TRIM2: variants seen among roughly 807,000 people sequenced by gnomAD.
TRIM2 encodes tripartite motif containing 2, also known as tripartite motif-containing protein 2.
A neutral mutation model predicts 75.2 loss-of-function variants in TRIM2; 20 were observed. That is an observed-to-expected ratio of 0.27 (90% confidence interval 0.19 to 0.39). TRIM2 has a LOEUF of 0.39. TRIM2 is among the 10% of genes least tolerant of loss of function. The pLI is 1.00. For missense variants in TRIM2, 660 were observed against 990.8 expected, an observed-to-expected ratio of 0.67 and a Z score of 4.48; for synonymous variants, 373 against 388.3, an observed-to-expected ratio of 0.96 and a Z score of 0.46.
In TRIM2 at chr4:153,335,131, C is replaced by G; in HGVS notation, c.*165C>G. ...AACAATTTCCTTAAAAATGACTTAT[C>G]CAATTTCTGTATTTCACCTTTAGGG... On this transcript the variant is annotated 3_prime_UTR_variant, in exon 12 of 12. Coordinates refer to ENST00000338700, the MANE Select transcript of TRIM2 (RefSeq NM_015271.5). 3 of 1,289,420 alleles carry G rather than the reference C, an allele frequency of 2.3e-6. No individual in the cohort carries two copies. The highest frequency in any genetic ancestry group is 3.0e-6 in the Non-Finnish European group (3 of 1,015,410). 79.9% of individuals were successfully genotyped at this position (1,289,420 alleles called of 1,614,324 possible).
intron 6 of TRIM2, among the ~76,000 whole-genome samples, chr4:153,313,236 C>T (rs183496326): frequency 1.1e-4 from 17 of 152,208 alleles, no homozygotes; most frequent in African/African-American, 2.9e-4. Context: ...CTATGTGGGT[C>T]GTGTATTGAA....
chr4:153,261,208 G>A (rs1753484272), intron 1 of TRIM2, among the ~76,000 whole-genome samples: 1 of 152,200 alleles, frequency 6.6e-6, no homozygotes, highest in South Asian at 2.1e-4. Context: ...GATTGCTTGA[G>A]CCCAGGAGTT....
At chr4:153,266,343 G>GTT (rs1560913616) in intron 1 of TRIM2, among the ~76,000 whole-genome samples, 5 of 106,004 alleles carry the variant, frequency 4.7e-5, no homozygotes, top group African/African-American at 2.1e-4. Context: ...CTAATTTTTG[G>GTT]GTTTTTTTTT....
chr4:153,172,655 T>G (rs912817502), intron 1 of TRIM2, among the ~76,000 whole-genome samples: 1 of 152,134 alleles, frequency 6.6e-6, no homozygotes, highest in African/African-American at 2.4e-5. Context: ...GGAGATACAG[T>G]GGTATCCCAG....
chr4:153,328,765 C>A, intron 11 of TRIM2, 95 bp downstream of exon 11: 1 of 1,395,766 alleles, frequency 7.2e-7, no homozygotes, highest in Non-Finnish European at 9.6e-7. Flanking sequence ...TTTCTCTTTT[C>A]CATTGGTTAG....
intron 3 of TRIM2, among the ~76,000 whole-genome samples, chr4:153,291,757 A>ATCATCATCT (rs1761874776): frequency 6.6e-6 from 1 of 152,158 alleles, no homozygotes; most frequent in Admixed American, 6.5e-5. Context: ...CATCATCATC[A>ATCATCATCT]TCATCATCAT....
intron 1 of TRIM2, among the ~76,000 whole-genome samples, chr4:153,169,960 G>T (rs1418086318): frequency 6.6e-6 from 1 of 152,192 alleles, no homozygotes; most frequent in African/African-American, 2.4e-5. Flanking sequence ...AACTTCATCC[G>T]CATCTAAAGA....
At chr4:153,257,831 C>T (rs1195757125) in intron 1 of TRIM2, 1 of 333,560 alleles carries the variant, frequency 3.0e-6, no homozygotes, top group Non-Finnish European at 5.9e-6. Flanking sequence ...CTCCTGCTCT[C>T]TCGGTTCTTT....
In TRIM2 at chr4:153,298,951, C is replaced by T. The variant is rs147524100; in HGVS notation, c.1510+2915C>T. ...GTTGGGTCTCGCCATGTTGCCCAGG[C>T]TAGTCTCAAACTCCTGGACTCAAAC... On this transcript the variant is annotated intron_variant, in intron 6 of 11. Coordinates refer to ENST00000338700, the MANE Select transcript of TRIM2 (RefSeq NM_015271.5). Among the ~76,000 whole-genome samples the T allele has an allele frequency of 1.9e-3, 295 of 152,122 alleles. 1 individual carries two copies. Among genetic ancestry groups the T allele is most frequent in the African/African-American group, 6.9e-3 (288 of 41,488 alleles).
intron 1 of TRIM2, among the ~76,000 whole-genome samples, chr4:153,226,020 G>A (rs935721438): frequency 5.3e-5 from 8 of 152,138 alleles, no homozygotes; most frequent in African/African-American, 1.9e-4. Flanking sequence ...ACAGGCATGT[G>A]CCACCACACC....
intron 1 of TRIM2, among the ~76,000 whole-genome samples, chr4:153,224,893 C>G (rs574953311): frequency 2.6e-5 from 4 of 152,292 alleles, no homozygotes; most frequent in Admixed American, 1.3e-4. Context: ...ATTCTCTGAC[C>G]TTTTCTTTAG....
At chr4:153,224,964 G>T (rs1741713801) in intron 1 of TRIM2, among the ~76,000 whole-genome samples, 1 of 152,302 alleles carries the variant, frequency 6.6e-6, no homozygotes. Context: ...CTAGAAAGAG[G>T]TTGGATAGTT....
chr4:153,333,364 G>A (rs72729647), intron 11 of TRIM2, among the ~76,000 whole-genome samples: 28,841 of 152,086 alleles, frequency 0.19, 3,123 homozygotes, highest in South Asian at 0.33. Context: ...TCTTTATGTT[G>A]ATGGGATAAT....
chr4:153,244,218 T>G (rs1316870002), intron 1 of TRIM2, among the ~76,000 whole-genome samples: 1 of 135,010 alleles, frequency 7.4e-6, no homozygotes, highest in African/African-American at 2.9e-5. Context: ...TTCTCCTTCC[T>G]CTTCTCCTCC....
Position 153,336,141 on chromosome 4 carries a change from C to T in TRIM2, c.*1175C>T, listed in dbSNP as rs1192100780. 2.0e-6 allele frequency: 2 copies of T among 981,092 alleles called. No homozygotes were observed. The highest frequency in any genetic ancestry group is 3.5e-5 in the African/African-American group (2 of 56,736). The allele number at this position is 981,092 out of a possible 1,614,324, so 60.8% of individuals were successfully genotyped here. A position where few individuals can be genotyped will look rare whatever the true frequency, so the allele number is the denominator to read the frequency against. On this transcript the variant is annotated 3_prime_UTR_variant, in exon 12 of 12. Coordinates refer to ENST00000338700, the MANE Select transcript of TRIM2 (RefSeq NM_015271.5). ...TTATATATATATATATATACACACA[C>T]ACATATATATAGCTGAATCTTTGGT...
chr4:153,229,846 C>T (rs1207668322), intron 1 of TRIM2, among the ~76,000 whole-genome samples: 4 of 152,246 alleles, frequency 2.6e-5, no homozygotes, highest in African/African-American at 9.6e-5. Flanking sequence ...GAACTAAATA[C>T]ATTTCTTTCG....
At chr4:153,209,633 C>T (rs1163248493) in intron 1 of TRIM2, among the ~76,000 whole-genome samples, 1 of 152,218 alleles carries the variant, frequency 6.6e-6, no homozygotes, top group Non-Finnish European at 1.5e-5. Context: ...GCAAATAGAA[C>T]TTCAATGAAA....
intron 1 of TRIM2, among the ~76,000 whole-genome samples, chr4:153,170,836 A>G (rs75417708): frequency 0.01 from 1,560 of 152,286 alleles, 20 homozygotes; most frequent in African/African-American, 0.035. Context: ...TTTTCTAATC[A>G]CACAAAGGGC....
intron 1 of TRIM2, among the ~76,000 whole-genome samples, chr4:153,263,437 C>CAAGTGCTGT (rs2149997802): frequency 6.6e-6 from 1 of 152,332 alleles, no homozygotes; most frequent in African/African-American, 2.4e-5. Flanking sequence ...TGGAATTCAG[C>CAAGTGCTGT]AAGTGCTGCT....
Sources: allele counts gnomAD v4.1 joint callset (sites outside exome capture counted in the v4.1 genomes callset), GRCh38; gene constraint gnomAD v4.1.1; transcripts MANE v1.5; gene names NCBI Gene and HGNC (gene_info 2026-07-23, HGNC 2026-07-21).